Variants in LTBP2 observed in about 807,000 individuals in gnomAD.
The protein encoded by LTBP2 is latent-transforming growth factor beta-binding protein 2.
In LTBP2, 103 loss-of-function variants were observed where a neutral mutation model predicts 210.6. The ratio of observed to expected loss-of-function variants is 0.49; its 90% CI spans 0.42 to 0.58. The LOEUF (loss-of-function observed/expected upper bound fraction) is 0.58. LTBP2 is among the 20% of genes least tolerant of loss of function. The pLI is 0.00. For synonymous variants in LTBP2, 1,007 were observed against 1,015.0 expected, an observed-to-expected ratio of 0.99 and a Z score of 0.15; for missense variants, 2,313 against 2,494.5, an observed-to-expected ratio of 0.93 and a Z score of 1.55.
chr14:74,562,431 C>T (rs1321283448), intron 3 of LTBP2, among the ~76,000 whole-genome samples: 2 of 152,066 alleles, frequency 1.3e-5, no homozygotes, highest in Admixed American at 6.5e-5. Flanking sequence ...CCAAACAATT[C>T]TATGATCAAA....
Position 74,549,896 on chromosome 14 carries a change from C to T in LTBP2, c.1756G>A (p.Val586Met), listed in dbSNP as rs753135298. The T allele has an allele frequency of 1.2e-6, 2 of 1,613,900 alleles. No homozygotes were observed. The highest frequency in any genetic ancestry group is 1.1e-5 in the South Asian group (1 of 91,076). Residue 586 changes from valine (V) to methionine (M), a missense_variant, in exon 8 of 36, where the codon GTG (valine) becomes ATG (methionine). Val to Met is a conservative substitution (Grantham distance 21). Around this residue, in one of 3 missense-constraint regions of LTBP2, gnomAD observed 1,867 missense variants for 1,976.9 expected, o/e 0.94. Transcript: ENST00000261978. ...GGTGGGCATGGGGCACACAAAGTCA[C>T]CCCCCAGAAGGCTCCCACACTGCCA... is the stretch of plus-strand genomic sequence containing the variant. ...CCGSVGAFWG[V>M]TLCAPCPPRP...
intron 1 of LTBP2, among the ~76,000 whole-genome samples, chr14:74,608,907 A>G (rs928740844): frequency 6.6e-6 from 1 of 152,184 alleles, no homozygotes; most frequent in Middle Eastern, 3.2e-3. Flanking sequence ...TCTTTTCTAC[A>G]TTGAAAGTTC....
chr14:74,548,652 G>T (rs1357864450), intron 8 of LTBP2, among the ~76,000 whole-genome samples: 1 of 152,242 alleles, frequency 6.6e-6, no homozygotes, highest in East Asian at 1.9e-4. Context: ...CTCCTGTGCA[G>T]TGGGTCCATT....
At chr14:74,514,956 G>A (rs2087117079) in intron 18 of LTBP2, among the ~76,000 whole-genome samples, 1 of 152,180 alleles carries the variant, frequency 6.6e-6, no homozygotes, top group Non-Finnish European at 1.5e-5. Context: ...TGACCTCCCA[G>A]ATGAGGTGTG....
rs372908174 is a variant in LTBP2, at chr14:74,593,943, C to T, written c.566-7825G>A. On this transcript the variant is annotated intron_variant, in intron 2 of 35. Coordinates refer to ENST00000261978, the MANE Select transcript of LTBP2 (RefSeq NM_000428.3). Reference sequence around the variant, plus strand: ...AGGATTAAAAATGAACAATATGAAGCGCTTAGAATGGTACCTGGCGCACAG... The same window carrying T: ...AGGATTAAAAATGAACAATATGAAGTGCTTAGAATGGTACCTGGCGCACAG... Among the ~76,000 whole-genome samples, 217 of 152,256 alleles carry T rather than the reference C, an allele frequency of 1.4e-3. 2 individuals are homozygous for T. Among genetic ancestry groups the T allele is most frequent in the African/African-American group, 5.0e-3 (206 of 41,546 alleles).
Position 74,503,378 on chromosome 14 carries a change from G to A in LTBP2, c.4729C>T (p.Pro1577Ser), listed in dbSNP as rs1157377510. The change falls in exon 33 of 36, where the codon CCT becomes TCT. Residue 1577 changes from proline to serine, a missense_variant. Pro to Ser is a moderately conservative substitution (Grantham distance 74). This residue lies in a region of LTBP2 where 443 missense variants were observed against 501.4 expected (regional missense o/e 0.88). Transcript: ENST00000261978. ...MNSTSSTEDLPDHDIHMDICW... is the reference protein window; with the variant it reads ...MNSTSSTEDLSDHDIHMDICW... The stretch of plus-strand genomic sequence containing the variant: ...ATGTCCATGTGGATGTCGTGGTCAG[G>A]GAGGTCCTCTGGTGGCACAGGGCAC... The A allele has an allele frequency of 6.2e-7, 1 of 1,612,650 alleles. No individual in the cohort carries two copies. Among genetic ancestry groups the A allele is most frequent in the Non-Finnish European group, 8.5e-7 (1 of 1,179,822 alleles).
intron 3 of LTBP2, among the ~76,000 whole-genome samples, chr14:74,564,083 ATATT>A (rs1335339393): frequency 4.4e-5 from 2 of 44,964 alleles, no homozygotes; most frequent in African/African-American, 1.9e-4. Flanking sequence ...ATTTATATAT[ATATT>A]TATATATATA....
chr14:74,530,862 A>G (rs973485572), intron 10 of LTBP2, among the ~76,000 whole-genome samples: 1 of 152,200 alleles, frequency 6.6e-6, no homozygotes, highest in Non-Finnish European at 1.5e-5. Flanking sequence ...GGTTTCTGTC[A>G]CTTGCAATCC....
intron 21 of LTBP2, 135 bp downstream of exon 21, chr14:74,509,599 G>C: frequency 1.5e-6 from 2 of 1,328,930 alleles, no homozygotes; most frequent in Non-Finnish European, 2.1e-6. Context: ...TTGGGGCCAG[G>C]TCCATTTATG....
chr14:74,512,477 G>C (rs2087083557), intron 18 of LTBP2, among the ~76,000 whole-genome samples: 1 of 152,182 alleles, frequency 6.6e-6, no homozygotes, highest in African/African-American at 2.4e-5. Context: ...TTCTGCAGAG[G>C]GACTAAAGCC....
In LTBP2 at chr14:74,547,379, C is replaced by G. The variant is rs12100463; in HGVS notation, c.1789+2484G>C. On this transcript the variant is annotated intron_variant, in intron 8 of 35. Transcript: ENST00000261978. ...TCAAGGACACCTTAAGGCCTGAAGA[C>G]TTGCCCAGAGGAAGGTTCCGAGAGG... is the stretch of plus-strand genomic sequence containing the variant. Among the ~76,000 whole-genome samples, 859 of 152,228 alleles carry G rather than the reference C, an allele frequency of 5.6e-3. 5 individuals are homozygous for G. Among genetic ancestry groups the G allele is most frequent in the Middle Eastern group, 0.031 (9 of 294 alleles).
intron 3 of LTBP2, among the ~76,000 whole-genome samples, chr14:74,585,351 G>A (rs2088189964): frequency 6.6e-6 from 1 of 152,200 alleles, no homozygotes; most frequent in Admixed American, 6.5e-5. Context: ...ATGGGGTGTG[G>A]GAGAACAAGT....
chr14:74,514,649 G>C (rs2087112766), intron 18 of LTBP2, among the ~76,000 whole-genome samples: 1 of 152,232 alleles, frequency 6.6e-6, no homozygotes. Flanking sequence ...GCAGTCTGCA[G>C]GGAAGTCTAT....
At position 74,612,021 on chromosome 14, in the gene LTBP2, C is replaced by G. The variant is rs1481811594; in HGVS notation, c.-77G>C. ...GGTCGGCACGCTGGACGCCCGCGGG[C>G]TGTTCTCCCGGCCCCGCCCGGCGGC... is the stretch of plus-strand genomic sequence containing the variant. On this transcript the variant is annotated 5_prime_UTR_variant, in exon 1 of 36. Transcript: ENST00000261978. 1 of 1,393,510 alleles carries G rather than the reference C, an allele frequency of 7.2e-7. No homozygotes were observed. Among genetic ancestry groups the G allele is most frequent in the Non-Finnish European group, 9.3e-7 (1 of 1,074,078 alleles). 86.3% of individuals were successfully genotyped at this position (1,393,510 alleles called of 1,614,324 possible). A position where few individuals can be genotyped will look rare whatever the true frequency, so the allele number is the denominator to read the frequency against.
At position 74,503,578 on chromosome 14, in the gene LTBP2, A is replaced by G. The variant is rs1232695630; in HGVS notation, c.4611T>C (p.Cys1537=). The change falls in exon 32 of 36, where the codon TGT becomes TGC. Residue 1537 remains cysteine, a synonymous_variant. Transcript: ENST00000261978. ...CCGTGTTGACGCACTCGCCATTCTC[A>G]CAGGCCAGGTCCTGGCACTCATCGT... ...EDHDECQDLA[C]ENGECVNTEG... 6.2e-7 allele frequency: 1 copy of G among 1,612,766 alleles called. No individual in the cohort carries two copies. The highest frequency in any genetic ancestry group is 1.7e-5 in the Admixed American group (1 of 60,018).
chr14:74,589,255 CACAAGTTATATG>C (rs1407787891), intron 2 of LTBP2, among the ~76,000 whole-genome samples: 1 of 152,210 alleles, frequency 6.6e-6, no homozygotes, highest in Non-Finnish European at 1.5e-5. Flanking sequence ...AAGTAGAACA[CACAAGTTATATG>C]ACAAGTGCTA....
Position 74,504,040 on chromosome 14 carries a change from C to G in LTBP2, c.4468G>C (p.Val1490Leu). 1 of 1,613,968 alleles carries G rather than the reference C, an allele frequency of 6.2e-7. No homozygotes were observed. The highest frequency in any genetic ancestry group is 1.1e-5 in the South Asian group (1 of 91,058). Residue 1490 changes from valine to leucine, a missense_variant, in exon 31 of 36, where the codon GTG (valine) becomes CTG (leucine). Transcript: ENST00000261978. Reference sequence around the variant, plus strand: ...GGGCAGAGACCAGGCCCGAATATCACACACTCATCCGCATCTGTGGAAGGC... The same window carrying G: ...GGGCAGAGACCAGGCCCGAATATCAGACACTCATCCGCATCTGTGGAAGGC... ...QTMYTDADECVIFGPGLCPNG... is the reference protein window; with the variant it reads ...QTMYTDADECLIFGPGLCPNG...
At chr14:74,529,257 T>C (rs930197522) in intron 10 of LTBP2, 135 bp from the exon 11 acceptor site, 12 of 1,052,540 alleles carry the variant, frequency 1.1e-5, no homozygotes, top group South Asian at 1.4e-5. Context: ...GTTGGGAAGT[T>C]TGGAGCCCTG....
intron 3 of LTBP2, among the ~76,000 whole-genome samples, chr14:74,565,375 C>A (rs1212011298): frequency 1.3e-5 from 2 of 152,110 alleles, no homozygotes; most frequent in African/African-American, 4.8e-5. Context: ...TGAAAGACCA[C>A]CTGGTAGAGA....
Sources: gnomAD v4.1 joint callset for allele counts (sites outside exome capture counted in the v4.1 genomes callset) on GRCh38, gnomAD v4.1.1 for gene constraint, gnomAD v4.1.1 regional missense constraint, MANE v1.5 for transcripts, NCBI Gene and HGNC (gene_info 2026-07-23, HGNC 2026-07-21) for gene names.